Variants in MYO16 observed in about 807,000 individuals in gnomAD.
The protein encoded by MYO16 is myosin XVI.
MYO16 carries 94 observed loss-of-function variants against 205.3 expected under a neutral mutation model. The observed-to-expected ratio is 0.46, with a 90% CI of 0.39 to 0.54. MYO16 has a LOEUF of 0.54. Among genes scored for constraint, MYO16 ranks in the 20% least tolerant of loss-of-function variants. The pLI is 0.00. For missense variants in MYO16, 2,315 were observed against 2,387.5 expected, an observed-to-expected ratio of 0.97 and a Z score of 0.63; for synonymous variants, 988 against 954.0, an observed-to-expected ratio of 1.04 and a Z score of -0.66.
Position 108,630,724 on chromosome 13 carries a change from G to A in MYO16, c.28+852G>A, listed in dbSNP as rs192554254. Among the ~76,000 whole-genome samples the A allele has an allele frequency of 2.7e-3, 418 of 152,238 alleles. 4 individuals carry two copies. The highest frequency in any genetic ancestry group is 9.6e-3 in the African/African-American group (397 of 41,540). Reference sequence around the variant, plus strand: ...TTAAGCTTAAGGTTTTGCTGCCAAAGGACATCACAATGTTAAATTGAAGCA... The same window carrying A: ...TTAAGCTTAAGGTTTTGCTGCCAAAAGACATCACAATGTTAAATTGAAGCA... On this transcript the variant is annotated intron_variant, in intron 1 of 34. Transcript: ENST00000457511.
intron 13 of MYO16, among the ~76,000 whole-genome samples, chr13:108,886,710 C>G (rs895479600): frequency 6.6e-6 from 1 of 151,964 alleles, no homozygotes; most frequent in Non-Finnish European, 1.5e-5. Flanking sequence ...AGGCAAAGCC[C>G]CCTGTGCAAG....
intron 21 of MYO16, among the ~76,000 whole-genome samples, chr13:109,000,132 G>A (rs1228944675): frequency 4.6e-5 from 7 of 152,160 alleles, no homozygotes; most frequent in African/African-American, 7.2e-5. Context: ...AGAGAAGAGT[G>A]AATTGAGTAA....
At chr13:108,541,257 T>C in the MYO16 span, among the ~76,000 whole-genome samples, 3 of 151,844 alleles carry the variant, frequency 2.0e-5, no homozygotes, top group Non-Finnish European at 4.4e-5. Flanking sequence ...ATATAACTTA[T>C]ATATTACATT....
Position 109,127,643 on chromosome 13 carries a change from T to A in MYO16, c.4051+93T>A, listed in dbSNP as rs1876331057. 1.6e-6 allele frequency: 2 copies of A among 1,282,344 alleles called. No homozygotes were observed. Among genetic ancestry groups the A allele is most frequent in the Non-Finnish European group, 2.1e-6 (2 of 930,724 alleles). 79.4% of individuals were successfully genotyped at this position (1,282,344 alleles called of 1,614,324 possible). ...GCCCATGGCAGTACTGTCGCCCTAA[T>A]GTATTCTTAATAGAAATAAATCCAA... On this transcript the variant is annotated intron_variant, in intron 31 of 34. Coordinates refer to ENST00000457511, the MANE Select transcript of MYO16 (RefSeq NM_001198950.3). This position sits in a 1 kb window ranked among gnomAD's most constrained non-coding sequence, Gnocchi z 4.2.
At chr13:109,181,971 C>T (rs1879475450) in intron 34 of MYO16, among the ~76,000 whole-genome samples, 2 of 151,926 alleles carry the variant, frequency 1.3e-5, no homozygotes, top group African/African-American at 2.4e-5. Flanking sequence ...AGGTGTGCAC[C>T]ACCACACCCA....
At chr13:108,819,177 A>G (rs988470924) in intron 7 of MYO16, among the ~76,000 whole-genome samples, 1 of 152,208 alleles carries the variant, frequency 6.6e-6, no homozygotes, top group Non-Finnish European at 1.5e-5. Context: ...TTATGGGAAC[A>G]TTATTTGTAA....
At chr13:108,798,721 T>C (rs9555511) in intron 6 of MYO16, among the ~76,000 whole-genome samples, 44,619 of 99,676 alleles carry the variant, frequency 0.45, 9,350 homozygotes, top group Middle Eastern at 0.55. Flanking sequence ...TTTTTTGAGA[T>C]GGAGTCTCGC....
chr13:108,791,959 G>A (rs1038986781), intron 5 of MYO16, among the ~76,000 whole-genome samples: 3 of 152,226 alleles, frequency 2.0e-5, no homozygotes, highest in African/African-American at 7.2e-5. Flanking sequence ...AAGAGACAAA[G>A]TGCTCAGAAG....
At chr13:108,886,027 G>C (rs777697665) in intron 13 of MYO16, among the ~76,000 whole-genome samples, 4 of 151,512 alleles carry the variant, frequency 2.6e-5, no homozygotes, top group Admixed American at 1.3e-4. Flanking sequence ...TCGCTCTGTC[G>C]CCCAGGCTGG....
chr13:108,525,495 T>C, the MYO16 span, among the ~76,000 whole-genome samples: 4 of 152,190 alleles, frequency 2.6e-5, no homozygotes, highest in Non-Finnish European at 4.4e-5. Flanking sequence ...GATGACCCTG[T>C]GCATCTGGCC....
At chr13:108,641,085 T>C (rs1880483983) in intron 1 of MYO16, among the ~76,000 whole-genome samples, 3 of 152,238 alleles carry the variant, frequency 2.0e-5, no homozygotes, top group Non-Finnish European at 2.9e-5. Flanking sequence ...GAGGTCACTG[T>C]TGAAATTTCA....
At chr13:109,167,645 C>A (rs970441184) in intron 33 of MYO16, among the ~76,000 whole-genome samples, 1 of 152,032 alleles carries the variant, frequency 6.6e-6, no homozygotes, top group African/African-American at 2.4e-5. Context: ...GAAACAGAAA[C>A]CTTTGCAAAG....
rs569611155 is a variant in MYO16 at position 108,887,043 on chromosome 13, C to T, written c.1554-1329C>T. 5.2e-4 allele frequency among the ~76,000 whole-genome samples: 79 copies of T among 152,152 alleles called. 1 individual carries two copies. Among genetic ancestry groups the T allele is most frequent in the Admixed American group, 2.9e-3 (44 of 15,282 alleles). ...GAAATTCAACTTAATAAGTTGTTAA[C>T]GGATCATTATTGAGTGTCAGTTGTG... On this transcript the variant is annotated intron_variant, in intron 13 of 34. Transcript: ENST00000457511.
At chr13:109,133,855 A>C (rs1433815160) in intron 31 of MYO16, among the ~76,000 whole-genome samples, 2 of 152,208 alleles carry the variant, frequency 1.3e-5, no homozygotes, top group African/African-American at 4.8e-5. Context: ...AGTAGCCACA[A>C]ACCAAATTAG....
chr13:108,832,740 C>A (rs1876691657), intron 9 of MYO16, among the ~76,000 whole-genome samples: 1 of 152,020 alleles, frequency 6.6e-6, no homozygotes, highest in African/African-American at 2.4e-5. Context: ...TGTATATAGT[C>A]TTTTAGATTA....
intron 23 of MYO16, among the ~76,000 whole-genome samples, chr13:109,041,344 A>G (rs1282732575): frequency 6.6e-6 from 1 of 152,210 alleles, no homozygotes; most frequent in Non-Finnish European, 1.5e-5. Context: ...TCACAGTAAA[A>G]TTTTTATAGA....
the MYO16 span, among the ~76,000 whole-genome samples, chr13:108,582,734 T>A: frequency 2.0e-5 from 3 of 151,688 alleles, no homozygotes; most frequent in Admixed American, 1.3e-4. Flanking sequence ...TGGGGTGGGG[T>A]TTAGGATGAA....
the MYO16 span, among the ~76,000 whole-genome samples, chr13:108,517,174 C>G: frequency 6.6e-6 from 1 of 152,266 alleles, no homozygotes; most frequent in African/African-American, 2.4e-5. Flanking sequence ...AAGTGATTCT[C>G]TCATCTTGGC....
the MYO16 span, among the ~76,000 whole-genome samples, chr13:108,588,614 C>T: frequency 6.6e-6 from 1 of 152,106 alleles, no homozygotes; most frequent in Non-Finnish European, 1.5e-5. Flanking sequence ...TTTCCACTTA[C>T]CCCTTTCAGA....
Sources: allele counts gnomAD v4.1 joint callset (sites outside exome capture counted in the v4.1 genomes callset), GRCh38; gene constraint gnomAD v4.1.1; non-coding constraint Gnocchi (gnomAD v3.1); transcripts MANE v1.5; gene names NCBI Gene and HGNC (gene_info 2026-07-23, HGNC 2026-07-21).